The following CDH22 variants were observed in gnomAD, a reference collection of about 807,000 sequenced individuals.
CDH22 encodes cadherin 22, also known as cadherin-22.
CDH22 carries 30 observed loss-of-function variants against 58.4 expected under a neutral mutation model. That is an observed-to-expected ratio of 0.51 (90% CI 0.38 to 0.70). CDH22 has a LOEUF of 0.70. CDH22 is among the 30% of genes least tolerant of loss of function. The probability of loss-of-function intolerance (pLI) is 0.00; values close to 1 mark genes in which losing one functional copy is unlikely to be tolerated. For synonymous variants in CDH22, 513 were observed against 558.2 expected (o/e 0.92, Z 1.14); for missense variants, 1,014 against 1,233.9 (o/e 0.82, Z 2.67).
rs186343355 is a variant in CDH22, at chr20:46,272,874, A to C, written c.-399-21181T>G. Among the ~76,000 whole-genome samples the C allele has an allele frequency of 2.1e-3, 323 of 152,304 alleles. 1 individual carries two copies. The highest frequency in any genetic ancestry group is 3.7e-3 in the Non-Finnish European group (252 of 68,020). On this transcript the variant is annotated intron_variant, in intron 1 of 11. Transcript: ENST00000537909. ...TCTTTGACTGCATGTTGGCCATTGT[A>C]CTTGAATTTTATTTTAAGGAATAAT...
intron 1 of CDH22, among the ~76,000 whole-genome samples, chr20:46,269,657 C>G (rs556719283): frequency 6.6e-6 from 1 of 152,334 alleles, no homozygotes; most frequent in Admixed American, 6.5e-5. Flanking sequence ...TTCCACGTGG[C>G]CCGTTGTGGG....
chr20:46,256,557 G>C (rs1228661012), intron 1 of CDH22, among the ~76,000 whole-genome samples: 1 of 152,180 alleles, frequency 6.6e-6, no homozygotes. Context: ...CTGAAGTGGA[G>C]TGAGTGCAGG....
Position 46,221,317 on chromosome 20 carries a change from T to TA in CDH22, c.671-4325dup, listed in dbSNP as rs1341379584. On this transcript the variant is annotated intron_variant, in intron 4 of 11. Transcript: ENST00000537909. ...TTTTTACATAGCTCTAGATGACTGATAGAGAAATCCAGTTGGCTGGGCCAT... is the reference window on the plus strand; with the variant it reads ...TTTTTACATAGCTCTAGATGACTGATAAGAGAAATCCAGTTGGCTGGGCCAT... 1.3e-4 allele frequency among the ~76,000 whole-genome samples: 19 copies of TA among 147,466 alleles called. No individual in the cohort carries two copies. The Admixed American group carries it at 1.3e-3, about 10-fold the overall frequency.
At chr20:46,254,733 C>T (rs1050932869) in intron 1 of CDH22, among the ~76,000 whole-genome samples, 3 of 151,876 alleles carry the variant, frequency 2.0e-5, no homozygotes, top group South Asian at 2.1e-4. Flanking sequence ...GGAGTGAGTG[C>T]GTTGTTAAAG....
chr20:46,278,378 T>G (rs1451668227), intron 1 of CDH22, among the ~76,000 whole-genome samples: 1 of 152,152 alleles, frequency 6.6e-6, no homozygotes, highest in East Asian at 1.9e-4. Flanking sequence ...CAGTTTCTCC[T>G]TAAAGGTTGT....
At chr20:46,262,652 A>G (rs916041371) in intron 1 of CDH22, among the ~76,000 whole-genome samples, 1 of 152,164 alleles carries the variant, frequency 6.6e-6, no homozygotes, top group Non-Finnish European at 1.5e-5. Flanking sequence ...CAGATAAGGA[A>G]ACTGAGACAC....
At chr20:46,243,543 T>G (rs1056993529) in intron 2 of CDH22, among the ~76,000 whole-genome samples, 2 of 152,168 alleles carry the variant, frequency 1.3e-5, no homozygotes, top group African/African-American at 4.8e-5. Flanking sequence ...TGTAAAAACC[T>G]CATAACTCAG....
intron 1 of CDH22, among the ~76,000 whole-genome samples, chr20:46,293,656 G>A (rs1377525640): frequency 6.6e-6 from 1 of 152,164 alleles, no homozygotes; most frequent in Non-Finnish European, 1.5e-5. Context: ...TTTTGGGGGT[G>A]GGGAGGAGAG....
intron 1 of CDH22, among the ~76,000 whole-genome samples, chr20:46,274,720 C>A (rs970280523): frequency 1.2e-5 from 1 of 82,048 alleles, no homozygotes; most frequent in African/African-American, 3.9e-5. Context: ...TGTGGTATAT[C>A]CAAACCAGAG....
chr20:46,200,007 A>T (rs1679497518), intron 7 of CDH22, among the ~76,000 whole-genome samples: 2 of 148,356 alleles, frequency 1.3e-5, no homozygotes, highest in South Asian at 4.2e-4. Context: ...GGAGTCTCGC[A>T]CTTTCGCCCA....
chr20:46,196,005 C>T (rs2085898705), intron 8 of CDH22, among the ~76,000 whole-genome samples: 1 of 152,082 alleles, frequency 6.6e-6, no homozygotes, highest in Non-Finnish European at 1.5e-5. Context: ...TCTGAGTTTC[C>T]CTTCTGTTTT....
At chr20:46,191,720 T>C (rs529339181) in intron 8 of CDH22, among the ~76,000 whole-genome samples, 1 of 150,930 alleles carries the variant, frequency 6.6e-6, no homozygotes, top group South Asian at 2.1e-4. Flanking sequence ...TAAAGGGGAG[T>C]TTTTAACCAC....
At chr20:46,297,728 G>A (rs1411433987) in intron 1 of CDH22, among the ~76,000 whole-genome samples, 1 of 151,980 alleles carries the variant, frequency 6.6e-6, no homozygotes, top group South Asian at 2.1e-4. Context: ...GAGGATGAGG[G>A]CTTGGAGAGA....
intron 7 of CDH22, among the ~76,000 whole-genome samples, chr20:46,203,866 T>C (rs1600695258): frequency 6.6e-6 from 1 of 152,092 alleles, no homozygotes; most frequent in East Asian, 1.9e-4. Flanking sequence ...TCTCATTTGG[T>C]GACAACAACC....
intron 1 of CDH22, among the ~76,000 whole-genome samples, chr20:46,260,783 C>A (rs1435817236): frequency 6.6e-6 from 1 of 152,242 alleles, no homozygotes; most frequent in Non-Finnish European, 1.5e-5. Context: ...TGGCTCCAGG[C>A]TCTCCCTTGT....
intron 1 of CDH22, among the ~76,000 whole-genome samples, chr20:46,276,682 G>C (rs2425842): frequency 0.67 from 102,299 of 151,986 alleles, 34,555 homozygotes; most frequent in East Asian, 0.76. Flanking sequence ...CATGCAGGTA[G>C]AGTCTAATGA....
Position 46,301,882 on chromosome 20 carries a change from G to A in CDH22, c.-400+6373C>T, listed in dbSNP as rs540464090. Reference sequence around the variant, plus strand: ...AAACAACAGAAGTTAATAAGACAACGAAAGAATGAGGCTGGTGAACTATAC... The same window carrying A: ...AAACAACAGAAGTTAATAAGACAACAAAAGAATGAGGCTGGTGAACTATAC... On this transcript the variant is annotated intron_variant, in intron 1 of 11. Coordinates refer to ENST00000537909, the MANE Select transcript of CDH22 (RefSeq NM_021248.3). 3.9e-5 allele frequency among the ~76,000 whole-genome samples: 6 copies of A among 152,258 alleles called. No individual in the cohort carries two copies. The South Asian group carries it at 1.0e-3, about 26-fold the overall frequency.
intron 10 of CDH22, among the ~76,000 whole-genome samples, chr20:46,185,429 T>C (rs527501584): frequency 1.3e-5 from 2 of 152,008 alleles, no homozygotes; most frequent in Admixed American, 6.6e-5. Flanking sequence ...TGGGATGGGG[T>C]TGGGTTGAAT....
At chr20:46,284,598 G>A (rs1465095209) in intron 1 of CDH22, among the ~76,000 whole-genome samples, 3 of 152,220 alleles carry the variant, frequency 2.0e-5, no homozygotes, top group South Asian at 2.1e-4. Flanking sequence ...AGCCCTGTCA[G>A]TTGTTTTCAA....
Sources: allele counts gnomAD v4.1 joint callset (sites outside exome capture counted in the v4.1 genomes callset), GRCh38; gene constraint gnomAD v4.1.1; transcripts MANE v1.5; gene names NCBI Gene and HGNC (gene_info 2026-07-23, HGNC 2026-07-21).